Variants in C3 observed in about 807,000 individuals in gnomAD.
C3 encodes the protein C3 and PZP-like alpha-2-macroglobulin domain-containing protein 1.
C3 carries 97 observed loss-of-function variants against 207.9 expected under a neutral mutation model. That is an observed-to-expected ratio of 0.47 (90% CI 0.40 to 0.55). The LOEUF is 0.55. Ranked by LOEUF, C3 falls within the 20% of genes least tolerant of loss-of-function variation. The pLI, the probability that C3 is intolerant of heterozygous loss-of-function variation, is 0.00. For synonymous variants in C3, 848 were observed against 857.6 expected, an observed-to-expected ratio of 0.99 and a Z score of 0.20; for missense variants, 1,684 against 2,171.7, an observed-to-expected ratio of 0.78 and a Z score of 4.46.
chr19:6,706,103 T>C (rs1006081513), intron 17 of C3, among the ~76,000 whole-genome samples: 1 of 152,248 alleles, frequency 6.6e-6, no homozygotes, highest in Non-Finnish European at 1.5e-5. Context: ...TGTTCACTCA[T>C]CGAGTTTGGC....
intron 23 of C3, among the ~76,000 whole-genome samples, chr19:6,695,466 C>CT (rs1967511251): frequency 6.6e-6 from 1 of 152,018 alleles, no homozygotes; most frequent in Non-Finnish European, 1.5e-5. Flanking sequence ...TGTTGCTTGT[C>CT]TTTTTGTTTG....
Position 6,678,235 on chromosome 19 carries a change from C to T in C3, c.4767G>A (p.Lys1589=), listed in dbSNP as rs144589541. The change falls in exon 40 of 41, where the codon AAG becomes AAA. Residue 1589 remains lysine (K), a synonymous_variant. Coordinates refer to ENST00000245907, the MANE Select transcript of C3 (RefSeq NM_000064.4). The part of the protein sequence containing the change: ...GQQRTFISPI[K]CREALKLEEK... Reference sequence around the variant, plus strand: ...CCTCCAGCTTCAGGGCTTCTCTGCACTTGATGGGGCTGATGAACGTGCGCT... The same window carrying T: ...CCTCCAGCTTCAGGGCTTCTCTGCATTTGATGGGGCTGATGAACGTGCGCT... 291 of 1,614,186 alleles carry T rather than the reference C, an allele frequency of 1.8e-4. No homozygotes were observed. In the African/African-American group the frequency reaches 2.5e-3, roughly 14 times the overall value.
chr19:6,706,534 G>C (rs1967776716), intron 17 of C3, among the ~76,000 whole-genome samples: 1 of 152,034 alleles, frequency 6.6e-6, no homozygotes, highest in Non-Finnish European at 1.5e-5. Flanking sequence ...TCTACCTCAC[G>C]CTGGCAGGGC....
In C3 at chr19:6,696,209, C is replaced by CAA. The variant is rs963475515; in HGVS notation, c.2950+168_2950+169dup. Among the ~76,000 whole-genome samples, 26 of 63,734 alleles carry CAA rather than the reference C, an allele frequency of 4.1e-4. 1 individual carries two copies. The highest frequency in any genetic ancestry group is 8.0e-4 in the African/African-American group (13 of 16,332). The allele number at this position is 63,734 out of a possible 152,430, so 41.8% of individuals were successfully genotyped here. ...TGGGTGACAGAGCCAGACTCTGTCTCAAAAAAAAAAAAAAAAAAAAATGTA... is the reference window on the plus strand; with the variant it reads ...TGGGTGACAGAGCCAGACTCTGTCTCAAAAAAAAAAAAAAAAAAAAAAATGTA... On this transcript the variant is annotated intron_variant, in intron 23 of 40. Transcript: ENST00000245907.
At chr19:6,684,725 T>C in intron 31 of C3, 50 bp downstream of exon 31, 1 of 1,607,270 alleles carries the variant, frequency 6.2e-7, no homozygotes, top group Non-Finnish European at 8.5e-7. Context: ...AGATGGTCCC[T>C]CTGGGGCAGA....
intron 36 of C3, among the ~76,000 whole-genome samples, chr19:6,679,876 A>G (rs1917815152): frequency 6.6e-6 from 1 of 151,936 alleles, no homozygotes; most frequent in Admixed American, 6.6e-5. Flanking sequence ...GATCCCTAGA[A>G]CCAACTCATA....
chr19:6,686,516 A>G, intron 28 of C3: 1 of 718,142 alleles, frequency 1.4e-6, no homozygotes, highest in South Asian at 1.6e-5. Flanking sequence ...TAAATGACGC[A>G]ACAAACTTTC....
At chr19:6,717,902 ATTGTGTGCTGTGTGTGTGCATG>A in intron 4 of C3, 170 bp downstream of exon 4, 1 of 664,090 alleles carries the variant, frequency 1.5e-6, no homozygotes, top group South Asian at 1.6e-5. Context: ...CTGTGTGTGT[ATTGTGTGCTGTGTGTGTGCATG>A]TTGTGTGCTG....
intron 17 of C3, among the ~76,000 whole-genome samples, chr19:6,704,949 GACTGCT>G (rs1967743992): frequency 6.6e-6 from 1 of 151,082 alleles, no homozygotes; most frequent in African/African-American, 2.4e-5. Flanking sequence ...ACGCTGCCCA[GACTGCT>G]CTCAAACTCC....
In C3 at chr19:6,714,130, T is replaced by G. The variant is rs373666348; in HGVS notation, c.682+36A>C. On this transcript the variant is annotated intron_variant, in intron 6 of 40. Coordinates refer to ENST00000245907, the MANE Select transcript of C3 (RefSeq NM_000064.4). Reference sequence around the variant, plus strand: ...GGGGCCGGCGCTGGGCCAGGCGTTCTGGGCACTGACTCCCCCCAGCCCCTC... The same window carrying G: ...GGGGCCGGCGCTGGGCCAGGCGTTCGGGGCACTGACTCCCCCCAGCCCCTC... The G allele has an allele frequency of 7.6e-5, 122 of 1,610,476 alleles. No homozygotes were observed. In the African/African-American group the frequency reaches 1.5e-3, roughly 20 times the overall value.
At chr19:6,701,989 A>G (rs1967684381) in intron 19 of C3, 138 bp downstream of exon 19, 1 of 693,650 alleles carries the variant, frequency 1.4e-6, no homozygotes, top group Non-Finnish European at 2.6e-6. Flanking sequence ...AGTTCCTGGT[A>G]ACAACACCTC....
At chr19:6,709,378 G>A (rs561242379) in intron 14 of C3, among the ~76,000 whole-genome samples, 1 of 152,250 alleles carries the variant, frequency 6.6e-6, no homozygotes, top group Non-Finnish European at 1.5e-5. Context: ...AACCTGGGAG[G>A]CAGAGGTTGC....
intron 36 of C3, among the ~76,000 whole-genome samples, chr19:6,679,900 C>T (rs565160948): frequency 4.1e-4 from 63 of 152,236 alleles, no homozygotes; most frequent in Admixed American, 2.0e-3. Context: ...CCTTGGGACT[C>T]TCAGACCCTG....
In C3 at chr19:6,702,406, C is replaced by G. The variant is rs1054641668; in HGVS notation, c.2354+65G>C. 4.6e-6 allele frequency: 5 copies of G among 1,095,266 alleles called. No individual in the cohort carries two copies. The African/African-American group carries it at 7.7e-5, about 17-fold the overall frequency. The allele number at this position is 1,095,266 out of a possible 1,614,324, so 67.8% of individuals were successfully genotyped here. On this transcript the variant is annotated intron_variant, in intron 18 of 40. Coordinates refer to ENST00000245907, the MANE Select transcript of C3 (RefSeq NM_000064.4). The stretch of plus-strand genomic sequence containing the variant: ...TGATTCCAGAGAAGACCAGAGATAG[C>G]AGGTGCATGCAAATTAAACGGTCTG...
At chr19:6,699,102 G>C (rs1967596491) in intron 19 of C3, among the ~76,000 whole-genome samples, 1 of 152,020 alleles carries the variant, frequency 6.6e-6, no homozygotes. Flanking sequence ...GACCTGAGTT[G>C]TACATTTTAA....
chr19:6,691,870 C>T (rs1250946018), intron 26 of C3, among the ~76,000 whole-genome samples: 1 of 151,912 alleles, frequency 6.6e-6, no homozygotes, highest in African/African-American at 2.4e-5. Context: ...ACCTGTAATC[C>T]CAGCTACTGA....
At chr19:6,698,129 G>C (rs1258399107) in intron 19 of C3, among the ~76,000 whole-genome samples, 1 of 151,984 alleles carries the variant, frequency 6.6e-6, no homozygotes, top group Non-Finnish European at 1.5e-5. Context: ...CAATTCTCCT[G>C]CCTCAGCCTC....
Position 6,714,251 on chromosome 19 carries a change from G to A in C3, c.600-3C>T, listed in dbSNP as rs1195492898. The A allele has an allele frequency of 1.2e-6, 2 of 1,613,816 alleles. No individual in the cohort carries two copies. Among genetic ancestry groups the A allele is most frequent in the East Asian group, 2.2e-5 (1 of 44,830 alleles). Reference sequence around the variant, plus strand: ...CTCGGATCTTCCACTGGCCCATGCTGTGAGGAGGGCGGATGAGTGGTCTCT... The same window carrying A: ...CTCGGATCTTCCACTGGCCCATGCTATGAGGAGGGCGGATGAGTGGTCTCT... On this transcript the variant is annotated splice_polypyrimidine_tract_variant and splice_region_variant and intron_variant, in intron 5 of 40. Transcript: ENST00000245907.
At chr19:6,685,617 G>A (rs1917984370) in intron 29 of C3, among the ~76,000 whole-genome samples, 2 of 152,162 alleles carry the variant, frequency 1.3e-5, no homozygotes, top group South Asian at 4.1e-4. Context: ...AAAGAAAGGA[G>A]GCCAACTGGA....
Sources: allele counts gnomAD v4.1 joint callset (sites outside exome capture counted in the v4.1 genomes callset), GRCh38; gene constraint gnomAD v4.1.1; transcripts MANE v1.5; gene names NCBI Gene and HGNC (gene_info 2026-07-23, HGNC 2026-07-21).